EHBP1: variants seen among roughly 807,000 people sequenced by gnomAD.
The protein encoded by EHBP1 is EH domain-binding protein 1.
EHBP1 carries 55 observed loss-of-function variants against 144.0 expected under a neutral mutation model. That is an observed-to-expected ratio of 0.38 (90% CI 0.31 to 0.48). EHBP1 has a LOEUF of 0.48. Ranked by LOEUF, EHBP1 falls within the 20% of genes least tolerant of loss-of-function variation. The pLI is 0.98. For synonymous variants in EHBP1, 469 were observed against 472.7 expected (o/e 0.99, Z 0.10); for missense variants, 1,200 against 1,364.2 (o/e 0.88, Z 1.90).
chr2:62,790,595 C>T (rs2043107769), intron 5 of EHBP1, among the ~76,000 whole-genome samples: 1 of 152,020 alleles, frequency 6.6e-6, no homozygotes, highest in Non-Finnish European at 1.5e-5. Flanking sequence ...TGTGTTGTAA[C>T]TTTAGTAATC....
At chr2:62,673,885 G>T in exon 1 of EHBP1, 1 of 382,154 alleles carries the variant, frequency 2.6e-6, no homozygotes, top group Non-Finnish European at 5.2e-6. Context: ...GGTAACATCT[G>T]ACTCTCCCTC....
chr2:62,907,402 T>C (rs2053888935), intron 10 of EHBP1, among the ~76,000 whole-genome samples: 1 of 152,212 alleles, frequency 6.6e-6, no homozygotes, highest in Admixed American at 6.5e-5. Flanking sequence ...TTTTGAACTC[T>C]CTCTTAATCA....
intron 19 of EHBP1, among the ~76,000 whole-genome samples, chr2:63,031,637 C>G (rs1462288527): frequency 6.6e-6 from 1 of 151,650 alleles, no homozygotes; most frequent in Non-Finnish European, 1.5e-5. Flanking sequence ...AAAAAAAATA[C>G]TAAACTATTG....
At chr2:63,042,469 T>C (rs6739804) in intron 21 of EHBP1, among the ~76,000 whole-genome samples, 95,107 of 151,832 alleles carry the variant, frequency 0.63, 30,121 homozygotes, top group East Asian at 0.73. Flanking sequence ...TAGACAGATA[T>C]TAATGTAGCA....
At chr2:62,834,485 A>G (rs1435774900) in intron 7 of EHBP1, among the ~76,000 whole-genome samples, 1 of 152,224 alleles carries the variant, frequency 6.6e-6, no homozygotes, top group African/African-American at 2.4e-5. Context: ...AAAGATTATC[A>G]CTTACTGAAG....
Position 62,707,304 on chromosome 2 carries a change from T to G in EHBP1, c.104+9T>G. 1 of 1,602,528 alleles carries G rather than the reference T, an allele frequency of 6.2e-7. No individual in the cohort carries two copies. The highest frequency in any genetic ancestry group is 8.6e-7 in the Non-Finnish European group (1 of 1,169,418). ...GAGTGTACGAAGAAATGGTAAGATG[T>G]ACCTGGAGGTAGATTTTGCTGTGCT... On this transcript the variant is annotated intron_variant, in intron 2 of 22. Transcript: ENST00000431489.
At chr2:62,827,492 T>C (rs1227964651) in intron 6 of EHBP1, among the ~76,000 whole-genome samples, 2 of 152,272 alleles carry the variant, frequency 1.3e-5, no homozygotes, top group East Asian at 3.9e-4. Flanking sequence ...CACGGGAATC[T>C]GGGTGAGAGG....
intron 1 of EHBP1, among the ~76,000 whole-genome samples, chr2:62,699,338 T>A (rs1439557877): frequency 5.9e-5 from 9 of 152,248 alleles, no homozygotes; most frequent in Non-Finnish European, 5.9e-5. Context: ...CCAGTAAGTC[T>A]TGGTCAAGAA....
intron 14 of EHBP1, among the ~76,000 whole-genome samples, chr2:62,958,003 A>C (rs1294358481): frequency 1.3e-5 from 2 of 152,174 alleles, no homozygotes; most frequent in East Asian, 3.9e-4. Flanking sequence ...TTATCAAGCA[A>C]ATGAAACTCA....
chr2:62,736,119 C>T (rs972476303), intron 2 of EHBP1, among the ~76,000 whole-genome samples: 2 of 150,236 alleles, frequency 1.3e-5, no homozygotes, highest in African/African-American at 2.4e-5. Flanking sequence ...TTTCTTTTTC[C>T]TCTGCTTCTG....
At chr2:62,745,499 G>T (rs571387696) in intron 2 of EHBP1, among the ~76,000 whole-genome samples, 79 of 152,006 alleles carry the variant, frequency 5.2e-4, no homozygotes, top group Non-Finnish European at 6.6e-4. Context: ...AAGTTTTTTT[G>T]TGTGTGTGTT....
chr2:62,785,270 A>G (rs2042724017), intron 5 of EHBP1, among the ~76,000 whole-genome samples: 1 of 152,204 alleles, frequency 6.6e-6, no homozygotes, highest in Admixed American at 6.5e-5. Flanking sequence ...TTTAAAAAAG[A>G]TATTTCTATA....
At position 62,706,982 on chromosome 2, in the gene EHBP1, A is replaced by G. The variant is rs1483497763; in HGVS notation, c.-210A>G. 5.7e-6 allele frequency: 3 copies of G among 524,778 alleles called. No individual in the cohort carries two copies. Among genetic ancestry groups the G allele is most frequent in the Non-Finnish European group, 1.0e-5 (3 of 289,600 alleles). The allele number at this position is 524,778 out of a possible 1,614,324, so 32.5% of individuals were successfully genotyped here. On this transcript the variant is annotated 5_prime_UTR_variant, in exon 2 of 23. Coordinates refer to ENST00000431489, the MANE Select transcript of EHBP1 (RefSeq NM_001142616.3). ...CCCCTTCCCACTCATCCTGTCACGT[A>G]TATCATAGTGTTCTTGACTGGGCCA...
At chr2:62,775,568 C>CAGT (rs1483102686) in intron 5 of EHBP1, among the ~76,000 whole-genome samples, 3 of 152,104 alleles carry the variant, frequency 2.0e-5, no homozygotes, top group Middle Eastern at 3.2e-3. Context: ...CCGTAATGTC[C>CAGT]AGTAGTAGCA....
chr2:62,937,839 A>G (rs1200741986), intron 10 of EHBP1, among the ~76,000 whole-genome samples: 1 of 152,258 alleles, frequency 6.6e-6, no homozygotes, highest in Admixed American at 6.5e-5. Flanking sequence ...ACTTCGAAGT[A>G]TTTTGACATC....
At chr2:62,957,296 A>G (rs1262762550) in intron 14 of EHBP1, among the ~76,000 whole-genome samples, 1 of 152,212 alleles carries the variant, frequency 6.6e-6, no homozygotes, top group Non-Finnish European at 1.5e-5. Flanking sequence ...CATGATCCAC[A>G]GAGAGAAAAG....
chr2:62,990,595 A>G, intron 15 of EHBP1, 121 bp from the exon 16 acceptor site: 1 of 1,037,266 alleles, frequency 9.6e-7, no homozygotes, highest in Non-Finnish European at 1.4e-6. Context: ...CTAATCTACT[A>G]ATATCCTTTT....
Position 62,979,258 on chromosome 2 carries a change from G to A in EHBP1, c.2531G>A (p.Gly844Glu). Residue 844 changes from glycine to glutamate, a missense_variant, in exon 15 of 23, where the codon GGA (glycine) becomes GAA (glutamate). Gly to Glu is a moderately conservative substitution (Grantham distance 98). Transcript: ENST00000431489. ...CAGCTAATAGCAGAAGCTCGATCTG[G>A]AGTGAAGATGTCAGAACTTCCCAGC... ...ARQLIAEARS[G>E]VKMSELPSYG... The A allele has an allele frequency of 6.2e-7, 1 of 1,613,936 alleles. No individual in the cohort carries two copies.
chr2:62,874,783 T>A (rs1034875198), intron 10 of EHBP1, among the ~76,000 whole-genome samples: 1 of 152,122 alleles, frequency 6.6e-6, no homozygotes, highest in African/African-American at 2.4e-5. Flanking sequence ...AGAAAGGTCT[T>A]ATAATTGTAA....
Sources: gnomAD v4.1 joint callset for allele counts (sites outside exome capture counted in the v4.1 genomes callset) on GRCh38, gnomAD v4.1.1 for gene constraint, MANE v1.5 for transcripts, NCBI Gene and HGNC (gene_info 2026-07-23, HGNC 2026-07-21) for gene names.